Variants in DGKK observed in about 807,000 individuals in gnomAD.
The protein encoded by DGKK is diacylglycerol kinase kappa.
A neutral mutation model predicts 92.2 loss-of-function variants in DGKK; 35 were observed. That is an observed-to-expected ratio of 0.38 (90% CI 0.29 to 0.50). The LOEUF (loss-of-function observed/expected upper bound fraction) is 0.50. Ranked by LOEUF, DGKK falls within the 20% of genes least tolerant of loss-of-function variation. The pLI is 0.92. For synonymous variants in DGKK, 368 were observed against 360.6 expected (o/e 1.02, Z -0.23); for missense variants, 910 against 992.2 (o/e 0.92, Z 1.11).
chrX:50,378,455 C>T, intron 21 of DGKK, 123 bp downstream of exon 21: 3 of 765,476 alleles, frequency 3.9e-6, no homozygotes, highest in Non-Finnish European at 5.7e-6. Context: ...TACTGCCCAC[C>T]AGATAACCTG....
intron 3 of DGKK, 88 bp from the exon 4 acceptor site, chrX:50,420,595 G>A (rs782608338): frequency 2.3e-5 from 18 of 791,353 alleles, no homozygotes; most frequent in Non-Finnish European, 3.4e-5. Flanking sequence ...AAACTACACA[G>A]ATGTACCAAG....
At chrX:50,411,153 C>T (rs993628090) in intron 4 of DGKK, among the ~76,000 whole-genome samples, 2 of 111,199 alleles carry the variant, frequency 1.8e-5, no homozygotes, top group East Asian at 5.7e-4. Context: ...GTTAGGCCAG[C>T]GATTACCCAT....
chrX:50,438,340 C>T (rs1422414689), intron 1 of DGKK, among the ~76,000 whole-genome samples: 3 of 111,824 alleles, frequency 2.7e-5, no homozygotes, highest in Non-Finnish European at 5.6e-5. Context: ...TTAGTGCTAA[C>T]AGTCACAACA....
intron 7 of DGKK, among the ~76,000 whole-genome samples, chrX:50,402,735 G>GA (rs1925041363): frequency 8.9e-6 from 1 of 111,766 alleles, no homozygotes; most frequent in Non-Finnish European, 1.9e-5. Context: ...TAGTGAATGA[G>GA]AAAGGGAGTA....
At chrX:50,460,296 A>G (rs953758244) in intron 1 of DGKK, among the ~76,000 whole-genome samples, 5 of 112,066 alleles carry the variant, frequency 4.5e-5, no homozygotes, top group African/African-American at 1.3e-4. Context: ...AGGTAGAGAC[A>G]TTTGCTGCAG....
At chrX:50,369,611 A>G (rs947436600) in intron 27 of DGKK, among the ~76,000 whole-genome samples, 1 of 107,858 alleles carries the variant, frequency 9.3e-6, no homozygotes, top group Non-Finnish European at 1.9e-5. Flanking sequence ...GCCCAAGCTG[A>G]AGAGCAGTGG....
chrX:50,456,672 C>A (rs1926619202), intron 1 of DGKK, among the ~76,000 whole-genome samples: 1 of 111,631 alleles, frequency 9.0e-6, no homozygotes, highest in Non-Finnish European at 1.9e-5. Context: ...TCATCATTCT[C>A]ATTTTTATTA....
At chrX:50,464,380 C>T (rs782208342) in intron 1 of DGKK, among the ~76,000 whole-genome samples, 9 of 109,504 alleles carry the variant, frequency 8.2e-5, no homozygotes, top group Admixed American at 2.0e-4. Flanking sequence ...CCCTCCCGCA[C>T]CCCCCGCGCC....
chrX:50,384,093 A>G (rs1557224692), intron 17 of DGKK, 75 bp downstream of exon 17: 1 of 602,882 alleles, frequency 1.7e-6, no homozygotes, highest in Admixed American at 4.1e-5. Context: ...GGATTTGACT[A>G]TGGATATCCT....
chrX:50,466,292 T>G (rs1048830869), intron 1 of DGKK, among the ~76,000 whole-genome samples: 1 of 111,252 alleles, frequency 9.0e-6, no homozygotes, highest in Non-Finnish European at 1.9e-5. Flanking sequence ...AATTTCATTC[T>G]GACCTTCAAC....
intron 1 of DGKK, among the ~76,000 whole-genome samples, chrX:50,453,688 T>C (rs1312236745): frequency 9.0e-6 from 1 of 111,348 alleles, no homozygotes; most frequent in East Asian, 2.9e-4. Flanking sequence ...TGGCCCTGTA[T>C]AAAATGCATG....
At chrX:50,370,590 A>G in intron 26 of DGKK, 41 bp from the exon 27 acceptor site, 5 of 1,167,923 alleles carry the variant, frequency 4.3e-6, no homozygotes, top group Non-Finnish European at 5.7e-6. Flanking sequence ...TTAGTTGCCT[A>G]ATATTCAAAG....
chrX:50,435,324 C>T (rs899704580), intron 1 of DGKK, among the ~76,000 whole-genome samples: 3 of 111,980 alleles, frequency 2.7e-5, no homozygotes, highest in East Asian at 5.6e-4. Context: ...GCTTTAAATG[C>T]CTCTTAGAAG....
At chrX:50,369,569 C>T (rs782534611) in intron 27 of DGKK, among the ~76,000 whole-genome samples, 179 of 105,322 alleles carry the variant, frequency 1.7e-3, no homozygotes, top group South Asian at 0.013. Flanking sequence ...TCCCTCCTTC[C>T]TCTTTCTTTC....
chrX:50,385,440 CAT>C (rs1480538432), intron 15 of DGKK, among the ~76,000 whole-genome samples: 5 of 112,194 alleles, frequency 4.5e-5, no homozygotes, highest in African/African-American at 1.3e-4. Flanking sequence ...CTAAATCTAA[CAT>C]ATGTGTTGAT....
chrX:50,419,117 A>C (rs1321518198), intron 4 of DGKK, among the ~76,000 whole-genome samples: 3 of 111,550 alleles, frequency 2.7e-5, no homozygotes, highest in Non-Finnish European at 3.8e-5. Flanking sequence ...CCATTAGGAA[A>C]GGAAGAAGAA....
chrX:50,375,302 G>A (rs782094289), intron 24 of DGKK, among the ~76,000 whole-genome samples: 61 of 111,793 alleles, frequency 5.5e-4, no homozygotes, highest in African/African-American at 1.9e-3. Flanking sequence ...GGCAGAGCAC[G>A]GCTTGGCTTT....
chrX:50,445,759 T>C (rs1205864179), intron 1 of DGKK, among the ~76,000 whole-genome samples: 1 of 111,591 alleles, frequency 9.0e-6, no homozygotes, highest in Admixed American at 9.5e-5. Flanking sequence ...GCCTTGGCTA[T>C]TCGGGCTCCT....
At chrX:50,378,258 G>A (rs1297331126) in intron 21 of DGKK, 26 bp from the exon 22 acceptor site, 1 of 1,196,765 alleles carries the variant, frequency 8.4e-7, no homozygotes, top group Non-Finnish European at 1.1e-6. Flanking sequence ...AGGAAGAATG[G>A]GAGAGAAAAA....
Sources: gnomAD v4.1 joint callset for allele counts (sites outside exome capture counted in the v4.1 genomes callset) on GRCh38, gnomAD v4.1.1 for gene constraint, MANE v1.5 for transcripts, NCBI Gene and HGNC (gene_info 2026-07-23, HGNC 2026-07-21) for gene names.